Variants in MICU1 observed in about 807,000 individuals in gnomAD.
The protein encoded by MICU1 is mitochondrial calcium uptake 1, also known as calcium uptake protein 1, mitochondrial.
A neutral mutation model predicts 56.8 loss-of-function variants in MICU1; 45 were observed. The ratio of observed to expected loss-of-function variants is 0.79; its 90% CI spans 0.62 to 1.02. The LOEUF (loss-of-function observed/expected upper bound fraction) is 1.02. Ranked by LOEUF, MICU1 falls within the 50% of genes least tolerant of loss-of-function variation. The probability of loss-of-function intolerance (pLI) is 0.00; values close to 1 mark genes in which losing one functional copy is unlikely to be tolerated. For missense variants in MICU1, 504 were observed against 587.1 expected, an observed-to-expected ratio of 0.86 and a Z score of 1.46; for synonymous variants, 186 against 195.1, an observed-to-expected ratio of 0.95 and a Z score of 0.39.
intron 6 of MICU1, among the ~76,000 whole-genome samples, chr10:72,482,219 T>C (rs533795926): frequency 6.6e-6 from 1 of 152,372 alleles, no homozygotes; most frequent in South Asian, 2.1e-4. Flanking sequence ...AAAGTTCTAA[T>C]TCTGGCTTTT....
chr10:72,554,459 C>T (rs967703293), intron 3 of MICU1, among the ~76,000 whole-genome samples: 14 of 152,144 alleles, frequency 9.2e-5, no homozygotes, highest in Non-Finnish European at 1.2e-4. Context: ...AAGAGAAACA[C>T]GCTGAATTGC....
rs373120637 is a variant in MICU1, at chr10:72,566,665, T to C, written c.129A>G (p.Ala43=). ...LMMVAFLGAS[A]VTASTGLLWK... ...ACAAAAGACCAGTACTTGCAGTTAC[T>C]GCAGATGCTCCCAGGAAAGCCACCA... Residue 43 remains alanine (A), a synonymous_variant, in exon 2 of 12, where the codon GCA becomes GCG. Transcript: ENST00000361114. The C allele has an allele frequency of 1.9e-6, 3 of 1,613,130 alleles. No individual in the cohort carries two copies. Among genetic ancestry groups the C allele is most frequent in the South Asian group, 2.2e-5 (2 of 90,830 alleles).
chr10:72,564,898 C>T (rs1457393121), intron 2 of MICU1, among the ~76,000 whole-genome samples: 1 of 152,130 alleles, frequency 6.6e-6, no homozygotes, highest in Non-Finnish European at 1.5e-5. Context: ...AACAATCAAG[C>T]TCTACCAAGT....
At chr10:72,495,655 CAAA>C (rs758909513) in intron 6 of MICU1, among the ~76,000 whole-genome samples, 35,195 of 84,558 alleles carry the variant, frequency 0.42, 5,436 homozygotes, top group Non-Finnish European at 0.54. Flanking sequence ...ACCTCTGTCT[CAAA>C]AAAAAAAAAA....
At chr10:72,624,944 A>G (rs893817426) in intron 1 of MICU1, among the ~76,000 whole-genome samples, 3 of 152,228 alleles carry the variant, frequency 2.0e-5, no homozygotes, top group Admixed American at 6.5e-5. Flanking sequence ...CATTCTGGCC[A>G]ACACCTTTGT....
chr10:72,569,222 TATATATATA>T (rs1840530795), intron 1 of MICU1, among the ~76,000 whole-genome samples: 4 of 43,398 alleles, frequency 9.2e-5, no homozygotes, highest in Non-Finnish European at 1.5e-4. Flanking sequence ...TATATATATA[TATATATATA>T]TATATATTTT....
At chr10:72,578,435 T>G (rs1405801800) in intron 1 of MICU1, among the ~76,000 whole-genome samples, 1 of 150,934 alleles carries the variant, frequency 6.6e-6, no homozygotes, top group Non-Finnish European at 1.5e-5. Context: ...TTTTTTTTTT[T>G]TGTATTTTTA....
At chr10:72,410,798 T>C (rs926048991) in intron 9 of MICU1, among the ~76,000 whole-genome samples, 1 of 152,214 alleles carries the variant, frequency 6.6e-6, no homozygotes, top group Non-Finnish European at 1.5e-5. Flanking sequence ...TCATTATGCA[T>C]ACCATAGTAT....
rs571637278 is a variant in MICU1, at chr10:72,549,413, A to G, written c.493+1766T>C. 2.0e-5 allele frequency among the ~76,000 whole-genome samples: 3 copies of G among 151,030 alleles called. No homozygotes were observed. The South Asian group carries it at 6.3e-4, about 32-fold the overall frequency. On this transcript the variant is annotated intron_variant, in intron 4 of 11. Coordinates refer to ENST00000361114, the MANE Select transcript of MICU1 (RefSeq NM_001195518.2). ...GCCATGTTGCCCAGGCTGGTCCTCA[A>G]CTCCTGAGCTCAAATAATCTGTCTG...
intron 2 of MICU1, among the ~76,000 whole-genome samples, chr10:72,566,359 T>C (rs909795913): frequency 1.9e-4 from 29 of 152,170 alleles, no homozygotes; most frequent in African/African-American, 6.5e-4. Context: ...AAGCCTTCAT[T>C]TTCTAAAGCT....
intron 1 of MICU1, among the ~76,000 whole-genome samples, chr10:72,585,994 A>ATTTTTT (rs1276935862): frequency 1.0e-5 from 1 of 100,204 alleles, no homozygotes; most frequent in African/African-American, 3.7e-5. Context: ...TATTGTTTTT[A>ATTTTTT]TTTTTTCTTT....
At chr10:72,590,549 A>G (rs7909759) in intron 1 of MICU1, among the ~76,000 whole-genome samples, 95,424 of 151,786 alleles carry the variant, frequency 0.63, 31,514 homozygotes, top group African/African-American at 0.72. Flanking sequence ...AGTGGCTCAC[A>G]CCTGTAATCC....
chr10:72,462,544 C>T (rs1865669380), intron 8 of MICU1, among the ~76,000 whole-genome samples: 1 of 152,166 alleles, frequency 6.6e-6, no homozygotes, highest in Admixed American at 6.5e-5. Flanking sequence ...TCGAGACTGA[C>T]AGAAGTCTGT....
rs188856394 is a variant in MICU1, at chr10:72,585,891, C to T, written c.-1-19097G>A. Among the ~76,000 whole-genome samples, 380 of 151,866 alleles carry T rather than the reference C, an allele frequency of 2.5e-3. 1 individual carries two copies. The highest frequency in any genetic ancestry group is 8.7e-3 in the African/African-American group (360 of 41,398). The stretch of plus-strand genomic sequence containing the variant: ...GCACATCCTGTCATATACTCTAAAC[C>T]ATCCCTAGATAACTTATAATACTTA... On this transcript the variant is annotated intron_variant, in intron 1 of 11. Transcript: ENST00000361114.
chr10:72,454,214 G>A (rs1254922170), intron 8 of MICU1, among the ~76,000 whole-genome samples: 1 of 152,086 alleles, frequency 6.6e-6, no homozygotes, highest in African/African-American at 2.4e-5. Flanking sequence ...CAGCACTTTG[G>A]GAGGCCAAGG....
At chr10:72,574,846 G>T (rs992857384) in intron 1 of MICU1, among the ~76,000 whole-genome samples, 3 of 152,130 alleles carry the variant, frequency 2.0e-5, no homozygotes, top group Admixed American at 2.0e-4. Context: ...GAGGCCCAAA[G>T]CCATTGCTGT....
chr10:72,551,492 AT>A (rs1261137961), intron 3 of MICU1, among the ~76,000 whole-genome samples, 151 bp from the exon 4 acceptor site: 1 of 152,166 alleles, frequency 6.6e-6, no homozygotes, highest in Admixed American at 6.5e-5. Context: ...GTTTTTTAAT[AT>A]TACAAATGAA....
chr10:72,454,126 C>T (rs1305179486), intron 8 of MICU1, among the ~76,000 whole-genome samples: 1 of 152,120 alleles, frequency 6.6e-6, no homozygotes, highest in East Asian at 2.0e-4. Flanking sequence ...GCTACCCCGC[C>T]GGGCCCCAAC....
At chr10:72,524,482 A>AC (rs1298737320) in intron 5 of MICU1, among the ~76,000 whole-genome samples, 1 of 152,228 alleles carries the variant, frequency 6.6e-6, no homozygotes, top group Non-Finnish European at 1.5e-5. Context: ...AAAATTTCTT[A>AC]ACCTTTTGTG....
Sources: allele counts gnomAD v4.1 joint callset (sites outside exome capture counted in the v4.1 genomes callset), GRCh38; gene constraint gnomAD v4.1.1; transcripts MANE v1.5; gene names NCBI Gene and HGNC (gene_info 2026-07-23, HGNC 2026-07-21).